HMX1: variants seen among roughly 807,000 people sequenced by gnomAD.
HMX1 encodes H6 family homeobox 1, also known as homeobox protein HMX1.
Under a neutral mutation model 8.9 loss-of-function variants are expected in HMX1, and 8 were observed. That is an observed-to-expected ratio of 0.90 (90% CI 0.53 to 1.63). HMX1 has a LOEUF of 1.63. Among genes scored for constraint, HMX1 ranks in the 40% most tolerant of loss-of-function variants. The probability of loss-of-function intolerance (pLI) is 0.00; values close to 1 mark genes in which losing one functional copy is unlikely to be tolerated. For missense variants in HMX1, 621 were observed against 558.5 expected (o/e 1.11, Z -1.13); for synonymous variants, 311 against 283.4 (o/e 1.10, Z -0.98).
At chr4:8,855,065 G>T (rs1025159815) in intron 1 of HMX1, among the ~76,000 whole-genome samples, 1 of 152,250 alleles carries the variant, frequency 6.6e-6, no homozygotes, top group African/African-American at 2.4e-5. Flanking sequence ...CCTCAGCCAA[G>T]AACAGGAGTG....
chr4:8,867,834 C>G lies in HMX1; in HGVS notation c.906G>C (p.Leu302=). ...GCGCGGCGGGCGCCAGCGGGAAGGG[C>G]AGGGTGGCCGGGGGCCCAGCGGCGG... ...AAAAAGPPAT[L]PFPLAPAAPA... is the part of the protein sequence containing the mutation. Residue 302 remains leucine, a synonymous_variant, in exon 2 of 2, where the codon CTG becomes CTC. Transcript: ENST00000400677. 8.1e-7 allele frequency: 1 copy of G among 1,236,282 alleles called. No homozygotes were observed. 76.6% of individuals were successfully genotyped at this position (1,236,282 alleles called of 1,614,324 possible).
intron 1 of HMX1, chr4:8,860,508 G>A (rs924240420): frequency 2.6e-5 from 4 of 152,306 alleles, no homozygotes; most frequent in Admixed American, 2.0e-4. Context: ...GCGGGCCAGT[G>A]AAGGCACCGC....
In HMX1 at chr4:8,868,717, C is replaced by T. The variant is rs529443735; in HGVS notation, c.395-372G>A. ...TCCCCACTCCCAGCTGCACCACGGGCGGCCCGGAAAAACACACAAACCTCC... is the reference window on the plus strand; with the variant it reads ...TCCCCACTCCCAGCTGCACCACGGGTGGCCCGGAAAAACACACAAACCTCC... On this transcript the variant is annotated intron_variant, in intron 1 of 1. Coordinates refer to ENST00000400677, the MANE Select transcript of HMX1 (RefSeq NM_018942.3). The surrounding 1 kb of genome is among the most constrained non-coding windows in gnomAD (Gnocchi z 4.6). Among the ~76,000 whole-genome samples, 1 of 152,304 alleles carries T rather than the reference C, an allele frequency of 6.6e-6. No homozygotes were observed. Among genetic ancestry groups the T allele is most frequent in the Admixed American group, 6.5e-5 (1 of 15,308 alleles).
chr4:8,850,550 C>T (rs1392587792), intron 1 of HMX1, among the ~76,000 whole-genome samples: 1 of 152,280 alleles, frequency 6.6e-6, no homozygotes, highest in Non-Finnish European at 1.5e-5. Context: ...TCCCTGGACT[C>T]CAGGCCTCTC....
intron 1 of HMX1, among the ~76,000 whole-genome samples, chr4:8,858,137 G>A (rs938805430): frequency 1.3e-5 from 2 of 152,096 alleles, no homozygotes; most frequent in Admixed American, 1.3e-4. Flanking sequence ...CGAGGCCCCC[G>A]TCCATTTGGG....
chr4:8,863,757 G>A (rs373805420), downstream of HMX1, among the ~76,000 whole-genome samples: 212 of 152,378 alleles, frequency 1.4e-3, no homozygotes, highest in African/African-American at 4.3e-3. Flanking sequence ...GCCTGGAGTG[G>A]CCAAGGGCGG....
intron 1 of HMX1, among the ~76,000 whole-genome samples, chr4:8,859,758 C>A (rs1378079503): frequency 6.6e-6 from 1 of 152,206 alleles, no homozygotes; most frequent in Non-Finnish European, 1.5e-5. Context: ...CATCCCCCCG[C>A]CCCTTCGTCA....
rs1721367665 is a variant in HMX1, at chr4:8,849,242, C to T, written c.395-2918G>A. On this transcript the variant is annotated intron_variant, in intron 1 of 1. Coordinates refer to the HMX1 transcript ENST00000506970. The surrounding 1 kb of genome is among the most constrained non-coding windows in gnomAD (Gnocchi z 6.6). ...TATGGGGAGGTCCTGACCGGCAGCA[C>T]CCCAGAACGGGAGTTTATTTGGAAA... Among the ~76,000 whole-genome samples the T allele has an allele frequency of 1.3e-5, 2 of 151,972 alleles. No homozygotes were observed. The highest frequency in any genetic ancestry group is 6.6e-5 in the Admixed American group (1 of 15,262).
At chr4:8,862,359 C>T (rs986824244), downstream of HMX1, among the ~76,000 whole-genome samples, 3 of 152,218 alleles carry the variant, frequency 2.0e-5, no homozygotes, top group African/African-American at 7.2e-5. Flanking sequence ...CCTAATGTTT[C>T]TTGGTAGTCA....
downstream of HMX1, among the ~76,000 whole-genome samples, chr4:8,863,751 G>C (rs777061969): frequency 3.3e-5 from 5 of 152,256 alleles, no homozygotes; most frequent in African/African-American, 4.8e-5. Context: ...CCAAGGGCCT[G>C]GAGTGGCCAA....
chr4:8,864,696 G>A (rs1273410766), downstream of HMX1, among the ~76,000 whole-genome samples: 4 of 152,142 alleles, frequency 2.6e-5, no homozygotes, highest in African/African-American at 4.8e-5. Context: ...AGAGCCCCAC[G>A]GATAACAGGG....
intron 1 of HMX1, among the ~76,000 whole-genome samples, chr4:8,860,474 A>C (rs775721546): frequency 1.3e-5 from 2 of 152,206 alleles, no homozygotes; most frequent in Non-Finnish European, 1.5e-5. Flanking sequence ...CAGAGAGATG[A>C]AGTGACTTTC....
intron 1 of HMX1, chr4:8,860,813 G>C (rs1462330580): frequency 6.6e-6 from 1 of 152,482 alleles, no homozygotes; most frequent in Non-Finnish European, 1.5e-5. Context: ...TGCGGAGACC[G>C]GACGGCTCCA....
Position 8,854,440 on chromosome 4 carries a change from G to A in HMX1, c.395-8116C>T, listed in dbSNP as rs374257741. Among the ~76,000 whole-genome samples the A allele has an allele frequency of 7.2e-5, 11 of 152,334 alleles. No individual in the cohort carries two copies. In the East Asian group the frequency reaches 1.3e-3, roughly 19 times the overall value. On this transcript the variant is annotated intron_variant, in intron 1 of 1. Transcript: ENST00000506970. Reference sequence around the variant, plus strand: ...CTCCTGTGTGTTTATGTCAAGGAGGGGTGTTAAACTTCACATGGATTAAAG... The same window carrying A: ...CTCCTGTGTGTTTATGTCAAGGAGGAGTGTTAAACTTCACATGGATTAAAG...
chr4:8,867,208 C>T lies in HMX1; in HGVS notation c.*485G>A. On this transcript the variant is annotated 3_prime_UTR_variant, in exon 2 of 2. Transcript: ENST00000400677. ...AGGGTCCTTTCTCCACCAGCACCCG[C>T]GAGAGGGGTAGCACAGCCCTCCGGG... 1 of 985,790 alleles carries T rather than the reference C, an allele frequency of 1.0e-6. No individual in the cohort carries two copies. The highest frequency in any genetic ancestry group is 1.2e-6 in the Non-Finnish European group (1 of 830,148). The allele number at this position is 985,790 out of a possible 1,614,324, so 61.1% of individuals were successfully genotyped here. A position where few individuals can be genotyped will look rare whatever the true frequency, so the allele number is the denominator to read the frequency against.
rs1444930984 is a variant in HMX1 at position 8,848,913 on chromosome 4, A to C, written c.395-2589T>G. Among the ~76,000 whole-genome samples, 3 of 152,148 alleles carry C rather than the reference A, an allele frequency of 2.0e-5. No individual in the cohort carries two copies. Among genetic ancestry groups the C allele is most frequent in the Non-Finnish European group, 4.4e-5 (3 of 68,028 alleles). On this transcript the variant is annotated intron_variant, in intron 1 of 1. Coordinates refer to the HMX1 transcript ENST00000506970. This position sits in a 1 kb window ranked among gnomAD's most constrained non-coding sequence, Gnocchi z 4.1. ...CTCACCTTCCAACTACAAAGAGAAA[A>C]ATGTTCCCTCTGTGAAAAGGTGGGC...
intron 1 of HMX1, among the ~76,000 whole-genome samples, chr4:8,855,485 C>T (rs899413932): frequency 2.0e-5 from 3 of 152,138 alleles, no homozygotes; most frequent in African/African-American, 4.8e-5. Flanking sequence ...GGGGGCCAGG[C>T]GGGAGGTCTC....
Position 8,867,442 on chromosome 4 carries a change from G to C in HMX1, c.*251C>G, listed in dbSNP as rs1722039443. ...GTGGCGCCGGGGGCTGCGCAGCCCA[G>C]AGTCTCTGCATGGCCCCCTGTTCGA... On this transcript the variant is annotated 3_prime_UTR_variant, in exon 2 of 2. Coordinates refer to ENST00000400677, the MANE Select transcript of HMX1 (RefSeq NM_018942.3). 5 of 1,105,040 alleles carry C rather than the reference G, an allele frequency of 4.5e-6. No homozygotes were observed. Among genetic ancestry groups the C allele is most frequent in the East Asian group, 5.2e-5 (1 of 19,260 alleles). 68.5% of individuals were successfully genotyped at this position (1,105,040 alleles called of 1,614,324 possible). A position where few individuals can be genotyped will look rare whatever the true frequency, so the allele number is the denominator to read the frequency against.
chr4:8,865,751 A>C (rs150498743), downstream of HMX1, among the ~76,000 whole-genome samples: 10,042 of 152,112 alleles, frequency 0.066, 1,091 homozygotes, highest in African/African-American at 0.22. Flanking sequence ...GGCCGCCAAC[A>C]GGGAGCTTTC....
Sources: allele counts gnomAD v4.1 joint callset (sites outside exome capture counted in the v4.1 genomes callset), GRCh38; gene constraint gnomAD v4.1.1; non-coding constraint Gnocchi (gnomAD v3.1); transcripts MANE v1.5; gene names NCBI Gene and HGNC (gene_info 2026-07-23, HGNC 2026-07-21).